CAAP1: variants seen among roughly 807,000 people sequenced by gnomAD.
CAAP1 encodes the protein conserved anti-apoptotic protein.
In CAAP1, 20 loss-of-function variants were observed where a neutral mutation model predicts 34.0. That is an observed-to-expected ratio of 0.59 (90% CI 0.41 to 0.86). The LOEUF (loss-of-function observed/expected upper bound fraction) is 0.86, where lower values mean the gene tolerates loss of function less well. Among genes scored for constraint, CAAP1 ranks in the 40% least tolerant of loss-of-function variants. CAAP1 has a pLI of 0.00. For missense variants in CAAP1, 538 were observed against 450.5 expected, an observed-to-expected ratio of 1.19 and a Z score of -1.76; for synonymous variants, 213 against 166.7, an observed-to-expected ratio of 1.28 and a Z score of -2.14.
In CAAP1 at chr9:26,840,917, C is replaced by G. The variant is rs936549425; in HGVS notation, c.*1384G>C. ...TGAACTCATAACTCAAATCTGTTTA[C>G]CAGCTTAAGAGAAGCATTTAAAATC... On this transcript the variant is annotated 3_prime_UTR_variant, in exon 6 of 6. Coordinates refer to ENST00000333916, the MANE Select transcript of CAAP1 (RefSeq NM_024828.4). The G allele has an allele frequency of 6.6e-6, 1 of 152,086 alleles. No homozygotes were observed. The highest frequency in any genetic ancestry group is 1.5e-5 in the Non-Finnish European group (1 of 68,012). 9.4% of individuals were successfully genotyped at this position (152,086 alleles called of 1,614,324 possible). A position where few individuals can be genotyped will look rare whatever the true frequency, so the allele number is the denominator to read the frequency against.
intron 5 of CAAP1, among the ~76,000 whole-genome samples, chr9:26,856,134 G>C (rs1563881275): frequency 7.2e-6 from 1 of 139,288 alleles, no homozygotes; most frequent in Non-Finnish European, 1.5e-5. Flanking sequence ...TAAAAGGGGG[G>C]GGGTAGAATT....
chr9:26,852,467 C>CA (rs576123061), intron 5 of CAAP1, among the ~76,000 whole-genome samples: 17 of 146,562 alleles, frequency 1.2e-4, no homozygotes, highest in East Asian at 6.0e-4. Flanking sequence ...AAACCAACAA[C>CA]AAAAAAAAAG....
At chr9:26,890,329 C>T (rs1364563362) in intron 1 of CAAP1, among the ~76,000 whole-genome samples, 1 of 151,396 alleles carries the variant, frequency 6.6e-6, no homozygotes, top group Non-Finnish European at 1.5e-5. Flanking sequence ...TGAGATGGTG[C>T]CACTGCACTC....
At chr9:26,859,625 G>A (rs542300417) in intron 5 of CAAP1, among the ~76,000 whole-genome samples, 35 of 152,256 alleles carry the variant, frequency 2.3e-4, no homozygotes, top group African/African-American at 8.2e-4. Flanking sequence ...TACATGAGGT[G>A]TAAGGTAATA....
intron 5 of CAAP1, among the ~76,000 whole-genome samples, chr9:26,845,420 G>C (rs1407769559): frequency 1.3e-5 from 2 of 152,152 alleles, no homozygotes; most frequent in African/African-American, 4.8e-5. Context: ...CTGTCACCCA[G>C]GCTGGAATGC....
intron 2 of CAAP1, 113 bp from the exon 3 acceptor site, chr9:26,886,301 T>C: frequency 2.2e-6 from 1 of 455,558 alleles, no homozygotes; most frequent in Non-Finnish European, 3.8e-6. Flanking sequence ...TAAAATAAAT[T>C]AAAGCCTCAA....
At chr9:26,859,626 T>G (rs1822958619) in intron 5 of CAAP1, among the ~76,000 whole-genome samples, 1 of 152,150 alleles carries the variant, frequency 6.6e-6, no homozygotes, top group Non-Finnish European at 1.5e-5. Context: ...ACATGAGGTG[T>G]AAGGTAATAT....
In CAAP1 at chr9:26,842,406, T is replaced by C. The variant is rs776550274; in HGVS notation, c.981A>G (p.Glu327=). Residue 327 remains glutamate, a synonymous_variant, in exon 6 of 6, where the codon GAA becomes GAG. Transcript: ENST00000333916. ...GTTGCTGTGCAGAAGGTTGAACATC[T>C]TCTGGTGGAGGAACAGCCAGGGTGG... ...KAATLAVPPP[E]DVQPSAQQLE... is the part of the protein sequence containing the mutation. 1.0e-4 allele frequency: 168 copies of C among 1,614,068 alleles called. 1 individual carries two copies. The highest frequency in any genetic ancestry group is 1.3e-4 in the Non-Finnish European group (148 of 1,180,032).
At position 26,892,449 on chromosome 9, in the gene CAAP1, A is replaced by G; in HGVS notation, c.267T>C (p.Ser89=). The part of the protein sequence containing the change: ...VERSERRKRR[S]TDSSSVSGSL... ...AGCCCGAGACGCTGGAAGAGTCGGT[A>G]CTCCTCCGCTTCCGGCGCTCGCTGC... The change falls in exon 1 of 6, where the codon AGT becomes AGC. Residue 89 remains serine, a synonymous_variant. Coordinates refer to ENST00000333916, the MANE Select transcript of CAAP1 (RefSeq NM_024828.4). The G allele has an allele frequency of 6.3e-7, 1 of 1,591,282 alleles. No individual in the cohort carries two copies. The highest frequency in any genetic ancestry group is 8.5e-7 in the Non-Finnish European group (1 of 1,170,730).
At chr9:26,873,964 T>C (rs747067892) in intron 4 of CAAP1, among the ~76,000 whole-genome samples, 7 of 151,930 alleles carry the variant, frequency 4.6e-5, no homozygotes, top group Non-Finnish European at 1.0e-4. Context: ...TCCCAGAACT[T>C]TGGGAGGCCG....
chr9:26,842,221 C>G lies in CAAP1; in HGVS notation c.*80G>C. The stretch of plus-strand genomic sequence containing the variant: ...GTTACATGAGAAATAACATATAAGA[C>G]CCCAAATAAATTTTAGATACAAAAT... On this transcript the variant is annotated 3_prime_UTR_variant, in exon 6 of 6. Coordinates refer to ENST00000333916, the MANE Select transcript of CAAP1 (RefSeq NM_024828.4). 8.9e-7 allele frequency: 1 copy of G among 1,129,740 alleles called. No individual in the cohort carries two copies. Among genetic ancestry groups the G allele is most frequent in the Non-Finnish European group, 1.2e-6 (1 of 803,650 alleles). 70.0% of individuals were successfully genotyped at this position (1,129,740 alleles called of 1,614,324 possible).
intron 5 of CAAP1, among the ~76,000 whole-genome samples, chr9:26,848,773 G>A (rs1255525703): frequency 6.6e-6 from 1 of 152,068 alleles, no homozygotes; most frequent in Admixed American, 6.6e-5. Flanking sequence ...TGGGTCTTAT[G>A]TTGTTTATTT....
At chr9:26,861,191 AT>A in intron 4 of CAAP1, 52 bp from the exon 5 acceptor site, 1 of 1,313,430 alleles carries the variant, frequency 7.6e-7, no homozygotes, top group Non-Finnish European at 1.1e-6. Context: ...ATCACATAAT[AT>A]TTACTACCCA....
intron 4 of CAAP1, among the ~76,000 whole-genome samples, chr9:26,865,579 AG>A (rs147254480): frequency 0.022 from 3,362 of 152,244 alleles, 125 homozygotes; most frequent in African/African-American, 0.076. Context: ...AAAGGAATGG[AG>A]GGGGAAATCC....
chr9:26,876,472 G>GGTTTTTTTTTTTTTTTTTTTTTTTTT (rs1554652213), intron 4 of CAAP1, among the ~76,000 whole-genome samples: 1 of 125,714 alleles, frequency 8.0e-6, no homozygotes, highest in Admixed American at 8.0e-5. Context: ...ATTCTAGAAG[G>GGTTTTTTTTTTTTTTTTTTTTTTTTT]TTTTTTTTTT....
chr9:26,842,961 A>C (rs562250877), intron 5 of CAAP1, among the ~76,000 whole-genome samples: 3 of 152,210 alleles, frequency 2.0e-5, no homozygotes, highest in Non-Finnish European at 4.4e-5. Flanking sequence ...TATCACAGTA[A>C]AGCTTCTGCA....
At chr9:26,884,707 T>C (rs1381353484) in intron 4 of CAAP1, 103 bp downstream of exon 4, 2 of 879,160 alleles carry the variant, frequency 2.3e-6, no homozygotes, top group Non-Finnish European at 3.7e-6. Context: ...ACTGAATGAT[T>C]TTATAAATAA....
Position 26,847,742 on chromosome 9 carries a change from T to C in CAAP1, c.740-5095A>G, listed in dbSNP as rs1010917756. ...TAATTTTATTTATGGTGTTTTTTTT[T>C]CTCAGAAATATTAACATTTAGCTAA... is the stretch of plus-strand genomic sequence containing the variant. On this transcript the variant is annotated intron_variant, in intron 5 of 5. Coordinates refer to ENST00000333916, the MANE Select transcript of CAAP1 (RefSeq NM_024828.4). Among the ~76,000 whole-genome samples the C allele has an allele frequency of 3.9e-5, 6 of 152,318 alleles. No homozygotes were observed. The South Asian group carries it at 1.0e-3, about 26-fold the overall frequency.
At chr9:26,869,886 A>G in intron 4 of CAAP1, 1 of 864,868 alleles carries the variant, frequency 1.2e-6, no homozygotes, top group Non-Finnish European at 1.4e-6. Flanking sequence ...TCAATTTTTT[A>G]AAAAGGTGAT....
Sources: allele counts gnomAD v4.1 joint callset (sites outside exome capture counted in the v4.1 genomes callset), GRCh38; gene constraint gnomAD v4.1.1; transcripts MANE v1.5; gene names NCBI Gene and HGNC (gene_info 2026-07-23, HGNC 2026-07-21).